Variants in CENPP observed in about 807,000 individuals in gnomAD.
The protein encoded by CENPP is centromere protein P.
A neutral mutation model predicts 35.6 loss-of-function variants in CENPP; 24 were observed. That is an observed-to-expected ratio of 0.67 (90% CI 0.49 to 0.95). CENPP has a LOEUF of 0.95. CENPP is among the 40% of genes least tolerant of loss of function. The pLI is 0.00. For synonymous variants in CENPP, 120 were observed against 125.5 expected (o/e 0.96, Z 0.29); for missense variants, 332 against 345.3 (o/e 0.96, Z 0.31).
At chr9:92,383,057 G>A (rs961507802) in intron 5 of CENPP, among the ~76,000 whole-genome samples, 3 of 151,678 alleles carry the variant, frequency 2.0e-5, no homozygotes, top group Admixed American at 6.6e-5. Context: ...CACCACACCC[G>A]GCTAATTTTT....
chr9:92,570,819 G>T lies in CENPP; in HGVS notation c.565-40495G>T, dbSNP rs185983584. On this transcript the variant is annotated intron_variant, in intron 5 of 7. Transcript: ENST00000375587. ...GGTTTAGTCTTGGGAGGGTGTATGT[G>T]TCCAGGAATTTATCCATTTCTTCTA... 9.7e-3 allele frequency among the ~76,000 whole-genome samples: 1,470 copies of T among 151,684 alleles called. 13 individuals carry two copies. Among genetic ancestry groups the T allele is most frequent in the Non-Finnish European group, 0.016 (1,089 of 67,878 alleles).
chr9:92,333,514 A>C (rs745843467), intron 2 of CENPP, among the ~76,000 whole-genome samples: 3 of 152,234 alleles, frequency 2.0e-5, no homozygotes, highest in Non-Finnish European at 4.4e-5. Context: ...ACATCACAAG[A>C]GTTGAAATGC....
chr9:92,340,230 A>G (rs1382979357), intron 3 of CENPP: 1 of 151,974 alleles, frequency 6.6e-6, no homozygotes, highest in African/African-American at 2.4e-5. Flanking sequence ...CTTGTCCACA[A>G]ATCCAAGTGA....
rs538344380 is a variant in CENPP at position 92,559,152 on chromosome 9, G to A, written c.565-52162G>A. Among the ~76,000 whole-genome samples, 5 of 152,248 alleles carry A rather than the reference G, an allele frequency of 3.3e-5. No individual in the cohort carries two copies. In the South Asian group the frequency reaches 8.3e-4, roughly 25 times the overall value. ...TTCTGGCCAGGAGGCTTCTTGTCCC[G>A]TTCAAATTGTTACAAAGTTCGGCTA... On this transcript the variant is annotated intron_variant, in intron 5 of 7. Transcript: ENST00000375587.
At chr9:92,462,900 C>T (rs990002348) in intron 5 of CENPP, among the ~76,000 whole-genome samples, 2 of 152,074 alleles carry the variant, frequency 1.3e-5, no homozygotes, top group African/African-American at 4.8e-5. Flanking sequence ...AACGTGCCAG[C>T]GAATCTAGAA....
intron 5 of CENPP, among the ~76,000 whole-genome samples, chr9:92,455,733 A>G (rs1844854682): frequency 6.6e-6 from 1 of 152,322 alleles, no homozygotes; most frequent in South Asian, 2.1e-4. Context: ...TACATGGTGT[A>G]TTGTTATTAT....
intron 5 of CENPP, chr9:92,515,088 C>G: frequency 6.2e-7 from 1 of 1,614,120 alleles, no homozygotes. Context: ...CCATTCCCAC[C>G]TGAGGAGGTG....
chr9:92,512,361 A>G (rs1847405788), intron 5 of CENPP, among the ~76,000 whole-genome samples: 2 of 152,250 alleles, frequency 1.3e-5, no homozygotes, highest in Admixed American at 1.3e-4. Context: ...ATCAAGCTGT[A>G]AATATATCAT....
At position 92,618,641 on chromosome 9, in the gene CENPP, A is replaced by G; in HGVS notation, c.*5492A>G. The G allele has an allele frequency of 2.3e-6, 1 of 444,274 alleles. No individual in the cohort carries two copies. Among genetic ancestry groups the G allele is most frequent in the Non-Finnish European group, 4.6e-6 (1 of 218,538 alleles). The allele number at this position is 444,274 out of a possible 1,614,324, so 27.5% of individuals were successfully genotyped here. A position where few individuals can be genotyped will look rare whatever the true frequency, so the allele number is the denominator to read the frequency against. ...AGCCCTGTAGGTATTTCCTTAGGGG[A>G]TAACAGGAGTTTTCAACTAAATAGA... On this transcript the variant is annotated 3_prime_UTR_variant, in exon 8 of 8. Coordinates refer to ENST00000375587, the MANE Select transcript of CENPP (RefSeq NM_001012267.3).
chr9:92,420,966 T>A (rs1056540117), intron 5 of CENPP, among the ~76,000 whole-genome samples: 1 of 152,064 alleles, frequency 6.6e-6, no homozygotes, highest in Admixed American at 6.5e-5. Flanking sequence ...AAGCAACAGA[T>A]GGTGATGTGT....
intron 5 of CENPP, among the ~76,000 whole-genome samples, chr9:92,561,649 C>T (rs1273051074): frequency 1.3e-5 from 2 of 152,180 alleles, no homozygotes; most frequent in African/African-American, 2.4e-5. Flanking sequence ...ACATTCAAAG[C>T]TTATGTTATT....
At chr9:92,453,297 G>T (rs1844770608) in intron 5 of CENPP, among the ~76,000 whole-genome samples, 1 of 152,072 alleles carries the variant, frequency 6.6e-6, no homozygotes, top group Admixed American at 6.6e-5. Context: ...CTGGTATGTT[G>T]TGTCTTTGTT....
intron 4 of CENPP, among the ~76,000 whole-genome samples, chr9:92,356,709 G>C (rs953176017): frequency 6.6e-6 from 1 of 150,428 alleles, no homozygotes; most frequent in African/African-American, 2.4e-5. Flanking sequence ...TAAAAGTATT[G>C]TTTGGGAACT....
At chr9:92,343,962 CAAA>C (rs35920973) in intron 3 of CENPP, among the ~76,000 whole-genome samples, 3 of 60,984 alleles carry the variant, frequency 4.9e-5, no homozygotes, top group Non-Finnish European at 9.2e-5. Context: ...AACCCTGTCT[CAAA>C]AAAAAAAAAA....
At chr9:92,568,305 A>G in intron 5 of CENPP, among the ~76,000 whole-genome samples, 1 of 152,110 alleles carries the variant, frequency 6.6e-6, no homozygotes, top group East Asian at 1.9e-4. Context: ...CTCATTGTTC[A>G]ATTCCCACCT....
rs563557886 is a variant in CENPP, at chr9:92,365,976, C to T, written c.468-13787C>T. ...CGGGCGGATCACGAGGTCAGGAGAT[C>T]GAGACCATCCTGGCTAACATGGTGA... On this transcript the variant is annotated intron_variant, in intron 4 of 7. Coordinates refer to ENST00000375587, the MANE Select transcript of CENPP (RefSeq NM_001012267.3). Among the ~76,000 whole-genome samples, 23 of 151,450 alleles carry T rather than the reference C, an allele frequency of 1.5e-4. No individual in the cohort carries two copies. The South Asian group carries it at 4.4e-3, about 29-fold the overall frequency.
At chr9:92,391,305 G>A (rs1842672838) in intron 5 of CENPP, among the ~76,000 whole-genome samples, 1 of 152,092 alleles carries the variant, frequency 6.6e-6, no homozygotes, top group African/African-American at 2.4e-5. Context: ...TACTCGGGAA[G>A]CTGAGGCAGG....
intron 5 of CENPP, among the ~76,000 whole-genome samples, chr9:92,550,146 C>T (rs1037433757): frequency 2.6e-5 from 4 of 152,156 alleles, no homozygotes; most frequent in Non-Finnish European, 4.4e-5. Context: ...GCCTACAATC[C>T]TAGCACTTTG....
At chr9:92,512,709 TTTAG>T (rs1183684982) in intron 5 of CENPP, among the ~76,000 whole-genome samples, 13 of 152,206 alleles carry the variant, frequency 8.5e-5, no homozygotes, top group Non-Finnish European at 1.9e-4. Flanking sequence ...TGTTTTAACA[TTTAG>T]TTAAGTTCAG....
Sources: gnomAD v4.1 joint callset for allele counts (sites outside exome capture counted in the v4.1 genomes callset) on GRCh38, gnomAD v4.1.1 for gene constraint, MANE v1.5 for transcripts, NCBI Gene and HGNC (gene_info 2026-07-23, HGNC 2026-07-21) for gene names.